NOTO: variants seen among roughly 807,000 people sequenced by gnomAD.
NOTO encodes the protein notochord homeobox, also known as homeobox protein notochord.
In NOTO, 19 loss-of-function variants were observed where a neutral mutation model predicts 20.5. The ratio of observed to expected loss-of-function variants is 0.93; its 90% CI spans 0.65 to 1.36. NOTO has a LOEUF of 1.36. Ranked by LOEUF, NOTO falls within the 40% of genes most tolerant of loss-of-function variation. The pLI is 0.00. For synonymous variants in NOTO, 150 were observed against 150.2 expected (o/e 1.00, Z 0.01); for missense variants, 369 against 336.2 (o/e 1.10, Z -0.76).
In NOTO at chr2:73,203,011, G is replaced by C. The variant is rs1040551984; in HGVS notation, c.345G>C (p.Val115=). The C allele has an allele frequency of 1.3e-5, 19 of 1,426,124 alleles. No individual in the cohort carries two copies. Among genetic ancestry groups the C allele is most frequent in the Non-Finnish European group, 1.7e-5 (19 of 1,090,980 alleles). The allele number at this position is 1,426,124 out of a possible 1,614,324, so 88.3% of individuals were successfully genotyped here. ...VGFYPVPGPR[V]APVCGLLGFG... The stretch of plus-strand genomic sequence containing the variant: ...TTTACCCTGTGCCAGGGCCGCGCGT[G>C]GCTCCCGTCTGCGGCCTGCTGGGCT... The change falls in exon 1 of 3, where the codon GTG becomes GTC. Residue 115 remains valine, a synonymous_variant. Transcript: ENST00000398468.
rs187137189 is a variant in NOTO, at chr2:73,205,073, G to T, written c.382+2025G>T. ...TTTTTTGTATTTTTAGTAGAGACGGGGTTTCACCATGTTAGCCAGGATGGT... is the reference window on the plus strand; with the variant it reads ...TTTTTTGTATTTTTAGTAGAGACGGTGTTTCACCATGTTAGCCAGGATGGT... On this transcript the variant is annotated intron_variant, in intron 1 of 2. Transcript: ENST00000398468. Among the ~76,000 whole-genome samples, 344 of 151,888 alleles carry T rather than the reference G, an allele frequency of 2.3e-3. 1 individual carries two copies. Among genetic ancestry groups the T allele is most frequent in the African/African-American group, 7.0e-3 (289 of 41,418 alleles).
intron 1 of NOTO, among the ~76,000 whole-genome samples, chr2:73,204,436 C>T (rs1004332250): frequency 1.3e-5 from 2 of 152,226 alleles, no homozygotes; most frequent in African/African-American, 4.8e-5. Flanking sequence ...CAAGCCTTAT[C>T]AACCCATACA....
chr2:73,207,305 T>C (rs561857812), intron 1 of NOTO, among the ~76,000 whole-genome samples: 1 of 152,278 alleles, frequency 6.6e-6, no homozygotes, highest in East Asian at 1.9e-4. Flanking sequence ...TACACTCCCT[T>C]TGTTGGGGCA....
chr2:73,203,087 G>A lies in NOTO; in HGVS notation c.382+39G>A, dbSNP rs530127425. 187 of 1,366,834 alleles carry A rather than the reference G, an allele frequency of 1.4e-4. 2 individuals are homozygous for A. In the African/African-American group the frequency reaches 2.7e-3, roughly 20 times the overall value. The allele number at this position is 1,366,834 out of a possible 1,614,324, so 84.7% of individuals were successfully genotyped here. ...GGCGCCCGCACGCGGGGGACTGGGC[G>A]GGGGCTGGAGAGCCTAGGTCGCCAC... On this transcript the variant is annotated intron_variant, in intron 1 of 2. Coordinates refer to ENST00000398468, the MANE Select transcript of NOTO (RefSeq NM_001134462.2).
chr2:73,202,949 C>T lies in NOTO; in HGVS notation c.283C>T (p.Pro95Ser), dbSNP rs1047645078. 3 of 1,515,154 alleles carry T rather than the reference C, an allele frequency of 2.0e-6. No homozygotes were observed. The highest frequency in any genetic ancestry group is 2.6e-6 in the Non-Finnish European group (3 of 1,135,276). The allele number at this position is 1,515,154 out of a possible 1,614,324, so 93.9% of individuals were successfully genotyped here. A position where few individuals can be genotyped will look rare whatever the true frequency, so the allele number is the denominator to read the frequency against. Reference sequence around the variant, plus strand: ...CACCGGGGGTCTGCCCTGGGCTTGCCCGACATCGTGGCTGCCCGCCTACCT... The same window carrying T: ...CACCGGGGGTCTGCCCTGGGCTTGCTCGACATCGTGGCTGCCCGCCTACCT... Reference protein sequence around the residue: ...CATGGLPWACPTSWLPAYLSV... With the variant: ...CATGGLPWACSTSWLPAYLSV... The change falls in exon 1 of 3, where the codon CCG becomes TCG. Residue 95 changes from proline (P) to serine (S), a missense_variant. Pro to Ser is a moderately conservative substitution (Grantham distance 74). Coordinates refer to ENST00000398468, the MANE Select transcript of NOTO (RefSeq NM_001134462.2).
chr2:73,205,969 T>C (rs897338788), intron 1 of NOTO, among the ~76,000 whole-genome samples: 4 of 152,204 alleles, frequency 2.6e-5, no homozygotes, highest in African/African-American at 7.2e-5. Context: ...ACTCCTGGGC[T>C]CAAGTGATCC....
At chr2:73,204,887 ATTT>A (rs56302001) in intron 1 of NOTO, among the ~76,000 whole-genome samples, 1 of 104,832 alleles carries the variant, frequency 9.5e-6, no homozygotes, top group Admixed American at 9.1e-5. Context: ...TTATTTTTTT[ATTT>A]TTTTTTTTTG....
chr2:73,204,385 T>C (rs946745184), intron 1 of NOTO, among the ~76,000 whole-genome samples: 1 of 152,200 alleles, frequency 6.6e-6, no homozygotes, highest in African/African-American at 2.4e-5. Flanking sequence ...AGGTTCATGT[T>C]TCCCCATGTC....
chr2:73,210,288 C>A (rs549151618), intron 2 of NOTO, among the ~76,000 whole-genome samples: 102 of 152,286 alleles, frequency 6.7e-4, no homozygotes, highest in African/African-American at 2.4e-3. Context: ...AGCTTGGTTC[C>A]ATTTCAGAGC....
intron 2 of NOTO, among the ~76,000 whole-genome samples, chr2:73,209,975 C>T (rs1436238404): frequency 6.6e-6 from 1 of 152,138 alleles, no homozygotes; most frequent in Non-Finnish European, 1.5e-5. Context: ...GGAGTGGCTT[C>T]ACTTCTCTCT....
At chr2:73,208,001 A>C (rs1686112928) in intron 1 of NOTO, among the ~76,000 whole-genome samples, 1 of 152,238 alleles carries the variant, frequency 6.6e-6, no homozygotes. Flanking sequence ...ACATTCAAAA[A>C]GTATAATATT....
intron 1 of NOTO, among the ~76,000 whole-genome samples, chr2:73,205,006 G>C (rs1380100836): frequency 6.6e-6 from 1 of 151,418 alleles, no homozygotes; most frequent in Non-Finnish European, 1.5e-5. Flanking sequence ...TCAGCCTCCC[G>C]AGTAGCTGGT....
chr2:73,205,929 A>G (rs888077799), intron 1 of NOTO, among the ~76,000 whole-genome samples: 2 of 152,166 alleles, frequency 1.3e-5, no homozygotes, highest in African/African-American at 4.8e-5. Flanking sequence ...TAGAGATGGA[A>G]TCTCACAATG....
At chr2:73,208,056 G>A (rs907344256) in intron 1 of NOTO, among the ~76,000 whole-genome samples, 2 of 152,194 alleles carry the variant, frequency 1.3e-5, no homozygotes, top group Admixed American at 6.5e-5. Context: ...TCTCTTCTCT[G>A]CCCATTCCAT....
intron 1 of NOTO, among the ~76,000 whole-genome samples, chr2:73,205,313 C>G (rs1686074959): frequency 6.6e-6 from 1 of 152,092 alleles, no homozygotes; most frequent in Non-Finnish European, 1.5e-5. Flanking sequence ...GGAGTTGAGA[C>G]CAGCCTGGGC....
intron 2 of NOTO, 147 bp downstream of exon 2, chr2:73,208,761 C>T (rs1402052948): frequency 8.2e-6 from 5 of 607,208 alleles, no homozygotes; most frequent in East Asian, 5.5e-5. Flanking sequence ...TTTTTGCACA[C>T]TCTATATAAT....
Position 73,202,839 on chromosome 2 carries a change from C to T in NOTO, c.173C>T (p.Pro58Leu). 6.6e-7 allele frequency: 1 copy of T among 1,525,346 alleles called. No individual in the cohort carries two copies. The highest frequency in any genetic ancestry group is 1.2e-5 in the South Asian group (1 of 83,056). The allele number at this position is 1,525,346 out of a possible 1,614,324, so 94.5% of individuals were successfully genotyped here. Residue 58 changes from proline (P) to leucine (L), a missense_variant, in exon 1 of 3, where the codon CCC (proline) becomes CTC (leucine). Physicochemically the swap from Pro to Leu is moderately conservative, Grantham distance 98. Coordinates refer to ENST00000398468, the MANE Select transcript of NOTO (RefSeq NM_001134462.2). ...PFSVEAILAR[P>L]DPCAPAASQP... is the part of the protein sequence containing the mutation. ...TCGGTCGAGGCCATCCTGGCGAGGCCCGACCCCTGCGCGCCGGCGGCCTCC... is the reference window on the plus strand; with the variant it reads ...TCGGTCGAGGCCATCCTGGCGAGGCTCGACCCCTGCGCGCCGGCGGCCTCC...
At chr2:73,203,801 C>G (rs1453973472) in intron 1 of NOTO, among the ~76,000 whole-genome samples, 1 of 151,638 alleles carries the variant, frequency 6.6e-6, no homozygotes, top group Non-Finnish European at 1.5e-5. Context: ...CACATCTTTA[C>G]TTAAAAGACA....
intron 1 of NOTO, 124 bp from the exon 2 acceptor site, chr2:73,208,276 A>G: frequency 1.6e-6 from 1 of 643,224 alleles, no homozygotes; most frequent in East Asian, 2.7e-5. Flanking sequence ...TTACCTGGCC[A>G]AGGGGAAGGC....
Sources: gnomAD v4.1 joint callset for allele counts (sites outside exome capture counted in the v4.1 genomes callset) on GRCh38, gnomAD v4.1.1 for gene constraint, MANE v1.5 for transcripts, NCBI Gene and HGNC (gene_info 2026-07-23, HGNC 2026-07-21) for gene names.